OLFM4: variants seen among roughly 807,000 people sequenced by gnomAD.
OLFM4 encodes olfactomedin 4.
A neutral mutation model predicts 25.5 loss-of-function variants in OLFM4; 22 were observed. The observed-to-expected ratio is 0.86, with a 90% CI of 0.62 to 1.23. The LOEUF is 1.23. OLFM4 is among the 50% of genes most tolerant of loss of function. The probability of loss-of-function intolerance (pLI) is 0.00; values close to 1 mark genes in which losing one functional copy is unlikely to be tolerated. For missense variants in OLFM4, 594 were observed against 619.4 expected, an observed-to-expected ratio of 0.96 and a Z score of 0.44; for synonymous variants, 255 against 237.7, an observed-to-expected ratio of 1.07 and a Z score of -0.67.
At position 53,045,930 on chromosome 13, in the gene OLFM4, T is replaced by G. The variant is rs541832340; in HGVS notation, c.730+2666T>G. Among the ~76,000 whole-genome samples, 4 of 152,322 alleles carry G rather than the reference T, an allele frequency of 2.6e-5. No individual in the cohort carries two copies. In the South Asian group the frequency reaches 8.3e-4, roughly 32 times the overall value. The stretch of plus-strand genomic sequence containing the variant: ...TAAATGACTGTATATAGGCCAAATG[T>G]GATCGGGTGCTCAGGGGTTGATCTC... On this transcript the variant is annotated intron_variant, in intron 4 of 4. Coordinates refer to ENST00000219022, the MANE Select transcript of OLFM4 (RefSeq NM_006418.5).
intron 4 of OLFM4, among the ~76,000 whole-genome samples, chr13:53,048,566 A>G (rs1411294081): frequency 1.3e-5 from 2 of 152,160 alleles, no homozygotes; most frequent in African/African-American, 4.8e-5. Flanking sequence ...GCATTTAGCA[A>G]GGAAAGGAAT....
chr13:53,049,754 A>C (rs1954734874), intron 4 of OLFM4, among the ~76,000 whole-genome samples: 1 of 152,140 alleles, frequency 6.6e-6, no homozygotes. Flanking sequence ...TGGAAACAGA[A>C]TGTAGTTCTC....
intron 2 of OLFM4, among the ~76,000 whole-genome samples, chr13:53,040,926 T>A (rs1429299635): frequency 6.6e-6 from 1 of 152,078 alleles, no homozygotes; most frequent in East Asian, 1.9e-4. Context: ...CATAGTAAGA[T>A]ACCATCTCAT....
chr13:53,032,724 AT>A (rs5803627), intron 1 of OLFM4, among the ~76,000 whole-genome samples: 99 of 150,794 alleles, frequency 6.6e-4, no homozygotes, highest in African/African-American at 2.1e-3. Context: ...ACACACACAT[AT>A]TTTTTTTTTC....
chr13:53,036,157 C>T (rs1313469314), intron 2 of OLFM4, among the ~76,000 whole-genome samples: 1 of 152,112 alleles, frequency 6.6e-6, no homozygotes, highest in Non-Finnish European at 1.5e-5. Flanking sequence ...AAATGAGTGT[C>T]CAGGAAAATG....
chr13:53,040,004 A>G (rs1260351682), intron 2 of OLFM4, among the ~76,000 whole-genome samples: 4 of 152,244 alleles, frequency 2.6e-5, no homozygotes, highest in Non-Finnish European at 5.9e-5. Context: ...TTAAAGGCCA[A>G]CATCTGGCTC....
intron 4 of OLFM4, among the ~76,000 whole-genome samples, chr13:53,047,737 T>C (rs1250014504): frequency 6.6e-6 from 1 of 152,186 alleles, no homozygotes; most frequent in Non-Finnish European, 1.5e-5. Context: ...CTAATAATAA[T>C]GCAATTAGTT....
At chr13:53,049,862 G>T in intron 4 of OLFM4, 107 bp from the exon 5 acceptor site, 1 of 1,233,888 alleles carries the variant, frequency 8.1e-7, no homozygotes, top group South Asian at 1.5e-5. Flanking sequence ...ATTGAACCTT[G>T]ACAGGAAAAA....
chr13:53,048,587 A>T (rs188368010), intron 4 of OLFM4, among the ~76,000 whole-genome samples: 3 of 152,172 alleles, frequency 2.0e-5, no homozygotes, highest in Non-Finnish European at 4.4e-5. Flanking sequence ...GGGTCTTTCC[A>T]TATTGGACAC....
rs149920454 is a variant in OLFM4, at chr13:53,047,567, A to G, written c.731-2402A>G. ...GATAAAAGGAGGATAACAAATGAAC[A>G]GGAAAGTGTTTAGGAATGTTTGGGA... is the stretch of plus-strand genomic sequence containing the variant. On this transcript the variant is annotated intron_variant, in intron 4 of 4. Transcript: ENST00000219022. Among the ~76,000 whole-genome samples the G allele has an allele frequency of 4.1e-3, 620 of 152,276 alleles. 6 individuals carry two copies. Among genetic ancestry groups the G allele is most frequent in the African/African-American group, 0.014 (587 of 41,562 alleles).
At position 53,041,995 on chromosome 13, in the gene OLFM4, C is replaced by A. The variant is rs148997626; in HGVS notation, c.443C>A (p.Thr148Asn). The change falls in exon 3 of 5, where the codon ACC becomes AAC. Residue 148 changes from threonine to asparagine, a missense_variant. By Grantham distance (65) the Thr-to-Asn change is moderately conservative (BLOSUM62 0). Coordinates refer to ENST00000219022, the MANE Select transcript of OLFM4 (RefSeq NM_006418.5). ...CGAATTGACATCATGGAGAAGGATA[C>A]CATTTCTTACACTGAACTGGACTTC... The part of the protein sequence containing the change: ...TVRIDIMEKD[T>N]ISYTELDFEL... 1 of 1,613,722 alleles carries A rather than the reference C, an allele frequency of 6.2e-7. No homozygotes were observed. The highest frequency in any genetic ancestry group is 8.5e-7 in the Non-Finnish European group (1 of 1,179,842).
At chr13:53,049,224 C>G (rs1354187253) in intron 4 of OLFM4, among the ~76,000 whole-genome samples, 1 of 152,182 alleles carries the variant, frequency 6.6e-6, no homozygotes, top group East Asian at 1.9e-4. Flanking sequence ...GCAGGACGGT[C>G]AGCAAGTGAT....
intron 1 of OLFM4, among the ~76,000 whole-genome samples, chr13:53,034,092 T>C (rs1954644399): frequency 7.5e-6 from 1 of 132,964 alleles, no homozygotes; most frequent in African/African-American, 2.8e-5. Context: ...GCCTCGAGAA[T>C]GGGGAATCTT....
intron 1 of OLFM4, among the ~76,000 whole-genome samples, chr13:53,033,888 G>T (rs1303631280): frequency 1.4e-5 from 2 of 143,790 alleles, no homozygotes; most frequent in Non-Finnish European, 3.1e-5. Flanking sequence ...GTGAAACTCC[G>T]TCTCTACTGA....
At chr13:53,034,582 C>T in intron 2 of OLFM4, 82 bp downstream of exon 2, 2 of 1,215,652 alleles carry the variant, frequency 1.6e-6, no homozygotes, top group East Asian at 2.6e-5. Context: ...TATAAGCAAT[C>T]ATTCTTCACT....
Position 53,043,171 on chromosome 13 carries a change from C to T in OLFM4, c.637C>T (p.Arg213Cys), listed in dbSNP as rs1224982767. ...TLDKNNVLAI[R>C]REIVALKTKL... ...AGACAAAAACAATGTCCTTGCCATT[C>T]GCCGAGAAATCGTGGCTCTGAAGAC... is the stretch of plus-strand genomic sequence containing the variant. Residue 213 changes from arginine (R) to cysteine (C), a missense_variant, in exon 4 of 5, where the codon CGC (arginine) becomes TGC (cysteine). Physicochemically the swap from Arg to Cys is radical, Grantham distance 180. Coordinates refer to ENST00000219022, the MANE Select transcript of OLFM4 (RefSeq NM_006418.5). 17 of 1,613,282 alleles carry T rather than the reference C, an allele frequency of 1.1e-5. No individual in the cohort carries two copies. The highest frequency in any genetic ancestry group is 1.1e-5 in the Non-Finnish European group (13 of 1,179,650).
chr13:53,035,993 G>A (rs531681608), intron 2 of OLFM4, among the ~76,000 whole-genome samples: 3 of 152,300 alleles, frequency 2.0e-5, no homozygotes, highest in Admixed American at 6.5e-5. Flanking sequence ...TTTACAAGGA[G>A]CTCTGGCTTT....
intron 1 of OLFM4, among the ~76,000 whole-genome samples, chr13:53,031,704 G>A (rs1273753548): frequency 6.6e-6 from 1 of 152,248 alleles, no homozygotes; most frequent in Non-Finnish European, 1.5e-5. Context: ...CAGAAATTGA[G>A]TCTTAATCAT....
At chr13:53,033,843 G>T (rs1026876256) in intron 1 of OLFM4, among the ~76,000 whole-genome samples, 4 of 144,528 alleles carry the variant, frequency 2.8e-5, no homozygotes, top group African/African-American at 9.8e-5. Flanking sequence ...GGTGGATCAC[G>T]AGGTCAGGAG....
Sources: allele counts gnomAD v4.1 joint callset (sites outside exome capture counted in the v4.1 genomes callset), GRCh38; gene constraint gnomAD v4.1.1; transcripts MANE v1.5; gene names NCBI Gene and HGNC (gene_info 2026-07-23, HGNC 2026-07-21).